Variants in DPP6 observed in about 807,000 individuals in gnomAD.
DPP6 encodes the protein dipeptidyl peptidase like 6.
A neutral mutation model predicts 122.6 loss-of-function variants in DPP6; 69 were observed. The ratio of observed to expected loss-of-function variants is 0.56; its 90% CI spans 0.46 to 0.69. DPP6 has a LOEUF of 0.69. Ranked by LOEUF, DPP6 falls within the 30% of genes least tolerant of loss-of-function variation. The pLI, the probability that DPP6 is intolerant of heterozygous loss-of-function variation, is 0.00. For missense variants in DPP6, 928 were observed against 1,116.9 expected (o/e 0.83, Z 2.41); for synonymous variants, 418 against 433.1 (o/e 0.97, Z 0.43).
chr7:154,822,706 G>T (rs1485719587), intron 16 of DPP6, among the ~76,000 whole-genome samples: 6 of 152,082 alleles, frequency 3.9e-5, no homozygotes, highest in African/African-American at 7.2e-5. Context: ...TCTGCTCACA[G>T]ATGCCTCCCT....
chr7:154,150,865 C>T (rs1452301060), intron 1 of DPP6, among the ~76,000 whole-genome samples: 2 of 152,216 alleles, frequency 1.3e-5, no homozygotes, highest in Non-Finnish European at 2.9e-5. Context: ...AGGATTCACT[C>T]ACTTGGGCCT....
At chr7:153,910,797 C>T (rs180886246) in intron 1 of DPP6, among the ~76,000 whole-genome samples, 6 of 152,284 alleles carry the variant, frequency 3.9e-5, no homozygotes, top group Admixed American at 3.9e-4. Context: ...GTTTCGTTCT[C>T]ACTTCATAGC....
At chr7:153,826,044 C>A in the DPP6 span, among the ~76,000 whole-genome samples, 1 of 152,138 alleles carries the variant, frequency 6.6e-6, no homozygotes, top group Non-Finnish European at 1.5e-5. Context: ...CCTGCACAGT[C>A]TTTTATGGAG....
At chr7:153,770,541 A>G in the DPP6 span, among the ~76,000 whole-genome samples, 1 of 152,210 alleles carries the variant, frequency 6.6e-6, no homozygotes, top group Non-Finnish European at 1.5e-5. Context: ...GAGAAGGAAA[A>G]AAAAAGCCAA....
At chr7:154,233,979 T>C (rs1487436995) in intron 1 of DPP6, among the ~76,000 whole-genome samples, 1 of 152,176 alleles carries the variant, frequency 6.6e-6, no homozygotes, top group African/African-American at 2.4e-5. Context: ...GAATGTTTAA[T>C]TGAGTGTGGG....
At chr7:153,994,415 A>T (rs1427539026) in intron 1 of DPP6, among the ~76,000 whole-genome samples, 2 of 151,800 alleles carry the variant, frequency 1.3e-5, no homozygotes, top group Admixed American at 1.3e-4. Context: ...ATTTTTAAAA[A>T]ATCATTTTTC....
the DPP6 span, among the ~76,000 whole-genome samples, chr7:153,766,816 A>G: frequency 6.6e-6 from 1 of 152,210 alleles, no homozygotes; most frequent in Non-Finnish European, 1.5e-5. Flanking sequence ...TAAAAAAACA[A>G]GCAAAAACCG....
At chr7:153,810,340 G>A in the DPP6 span, among the ~76,000 whole-genome samples, 1 of 152,096 alleles carries the variant, frequency 6.6e-6, no homozygotes, top group Non-Finnish European at 1.5e-5. Context: ...ACCCCTCAGT[G>A]AACCATGAAG....
chr7:153,788,858 G>A, the DPP6 span, among the ~76,000 whole-genome samples: 1 of 151,952 alleles, frequency 6.6e-6, no homozygotes, highest in Non-Finnish European at 1.5e-5. Context: ...CCAGCTAGTC[G>A]GGAGGCTGAG....
intron 1 of DPP6, among the ~76,000 whole-genome samples, chr7:154,097,601 T>A (rs1287693613): frequency 6.6e-6 from 1 of 152,270 alleles, no homozygotes; most frequent in South Asian, 2.1e-4. Context: ...TAGACACTTA[T>A]ATAATAAATT....
At chr7:154,284,088 G>T (rs199902845) in intron 1 of DPP6, among the ~76,000 whole-genome samples, 1 of 82,878 alleles carries the variant, frequency 1.2e-5, no homozygotes, top group East Asian at 6.7e-4. Context: ...GCTGAGTCAG[G>T]GGGAGCTGCC....
At position 154,877,424 on chromosome 7, in the gene DPP6, C is replaced by G. The variant is rs1804975598; in HGVS notation, c.2078+1324C>G. Reference sequence around the variant, plus strand: ...GTGCGTGCACACACACACACACACACACACACACCTCTCAAATAAGGAACT... The same window carrying G: ...GTGCGTGCACACACACACACACACAGACACACACCTCTCAAATAAGGAACT... On this transcript the variant is annotated intron_variant, in intron 20 of 25. Transcript: ENST00000377770. This position sits in a 1 kb window ranked among gnomAD's most constrained non-coding sequence, Gnocchi z 5.2. Among the ~76,000 whole-genome samples, 1 of 151,986 alleles carries G rather than the reference C, an allele frequency of 6.6e-6. No individual in the cohort carries two copies. Among genetic ancestry groups the G allele is most frequent in the South Asian group, 2.1e-4 (1 of 4,824 alleles).
At chr7:153,766,154 T>A in the DPP6 span, among the ~76,000 whole-genome samples, 1 of 152,224 alleles carries the variant, frequency 6.6e-6, no homozygotes, top group African/African-American at 2.4e-5. Context: ...GTGAAAACGG[T>A]CTTAGTGGTA....
chr7:154,196,016 C>T (rs959161438), intron 1 of DPP6, among the ~76,000 whole-genome samples: 11 of 152,194 alleles, frequency 7.2e-5, no homozygotes, highest in African/African-American at 1.9e-4. Context: ...TGGTATTAGC[C>T]CCTCTTACTT....
chr7:154,575,602 GGTGT>G (rs1310556313), intron 5 of DPP6, among the ~76,000 whole-genome samples: 6 of 121,702 alleles, frequency 4.9e-5, no homozygotes, highest in South Asian at 6.6e-4. Context: ...GTATGTGTGT[GGTGT>G]GTGTATGTGT....
At chr7:154,637,953 C>T in intron 6 of DPP6, 80 bp downstream of exon 6, 5 of 1,453,656 alleles carry the variant, frequency 3.4e-6, no homozygotes, top group Non-Finnish European at 4.6e-6. Flanking sequence ...GCTGTTTAAC[C>T]CTTAGGGCGG....
At chr7:154,763,358 GA>G (rs1795689748) in intron 8 of DPP6, among the ~76,000 whole-genome samples, 1 of 25,362 alleles carries the variant, frequency 3.9e-5, no homozygotes, top group African/African-American at 1.4e-4. Flanking sequence ...GAAGGAAGGA[GA>G]GAGAGAGAGA....
At chr7:153,896,455 T>C (rs1375200422) in intron 1 of DPP6, among the ~76,000 whole-genome samples, 15 of 152,214 alleles carry the variant, frequency 9.9e-5, no homozygotes, top group Admixed American at 9.8e-4. Context: ...AAAATTATTT[T>C]GATTGTGGAC....
chr7:154,587,996 G>A (rs1386359440), intron 5 of DPP6: 2 of 1,612,798 alleles, frequency 1.2e-6, no homozygotes, highest in African/African-American at 1.3e-5. Context: ...TCATACGAGT[G>A]TGGCAGGTGT....
Sources: allele counts gnomAD v4.1 joint callset (sites outside exome capture counted in the v4.1 genomes callset), GRCh38; gene constraint gnomAD v4.1.1; non-coding constraint Gnocchi (gnomAD v3.1); transcripts MANE v1.5; gene names NCBI Gene and HGNC (gene_info 2026-07-23, HGNC 2026-07-21).